GABRG3: variants seen among roughly 807,000 people sequenced by gnomAD.
GABRG3 encodes gamma-aminobutyric acid type A receptor subunit gamma3.
GABRG3 carries 25 observed loss-of-function variants against 48.8 expected under a neutral mutation model. The ratio of observed to expected loss-of-function variants is 0.51; its 90% CI spans 0.37 to 0.72. The LOEUF is 0.72. GABRG3 is among the 30% of genes least tolerant of loss of function. The probability of loss-of-function intolerance (pLI) is 0.00; values close to 1 mark genes in which losing one functional copy is unlikely to be tolerated. For missense variants in GABRG3, 394 were observed against 577.9 expected, an observed-to-expected ratio of 0.68 and a Z score of 3.26; for synonymous variants, 227 against 217.6, an observed-to-expected ratio of 1.04 and a Z score of -0.38.
chr15:27,048,874 C>G (rs1896408547), intron 3 of GABRG3, among the ~76,000 whole-genome samples: 2 of 152,210 alleles, frequency 1.3e-5, no homozygotes, highest in African/African-American at 2.4e-5. Flanking sequence ...TCCTTCCTTC[C>G]TGCCCCCTGC....
rs146591364 is a variant in GABRG3, at chr15:27,119,557, G to A, written c.270+92736G>A. Among the ~76,000 whole-genome samples, 45 of 152,294 alleles carry A rather than the reference G, an allele frequency of 3.0e-4. No individual in the cohort carries two copies. In the East Asian group the frequency reaches 6.6e-3, roughly 22 times the overall value. The stretch of plus-strand genomic sequence containing the variant: ...ACTGCCTCATGATTTCTGCAGGTCA[G>A]GAGTCTGGGCATGTCTTCAGTGAGT... On this transcript the variant is annotated intron_variant, in intron 3 of 9. Transcript: ENST00000615808.
intron 5 of GABRG3, among the ~76,000 whole-genome samples, chr15:27,423,521 C>G (rs1888194696): frequency 6.7e-6 from 1 of 150,338 alleles, no homozygotes; most frequent in South Asian, 2.1e-4. Context: ...CCATTTACTT[C>G]TCCATTTTCT....
intron 3 of GABRG3, among the ~76,000 whole-genome samples, chr15:27,324,736 A>G (rs1893549058): frequency 6.6e-6 from 1 of 152,170 alleles, no homozygotes; most frequent in African/African-American, 2.4e-5. Flanking sequence ...AGCCACATTC[A>G]GAGTTCTTTC....
At chr15:27,393,816 C>A (rs1269920054) in intron 5 of GABRG3, among the ~76,000 whole-genome samples, 1 of 152,180 alleles carries the variant, frequency 6.6e-6, no homozygotes, top group Non-Finnish European at 1.5e-5. Context: ...TAGAAAGGAA[C>A]AGAATGGCAG....
intron 2 of GABRG3, among the ~76,000 whole-genome samples, chr15:27,024,133 T>C (rs1431066412): frequency 6.6e-6 from 1 of 152,164 alleles, no homozygotes; most frequent in Non-Finnish European, 1.5e-5. Flanking sequence ...TCTATTTACG[T>C]TTTTTTGCCA....
At chr15:27,255,690 A>C (rs1392248010) in intron 3 of GABRG3, among the ~76,000 whole-genome samples, 1 of 152,124 alleles carries the variant, frequency 6.6e-6, no homozygotes, top group Non-Finnish European at 1.5e-5. Flanking sequence ...TATCACATGC[A>C]TCCTCCCAGA....
chr15:27,211,016 A>G (rs1889061593), intron 3 of GABRG3, among the ~76,000 whole-genome samples: 1 of 152,248 alleles, frequency 6.6e-6, no homozygotes. Flanking sequence ...TATCAGAATT[A>G]TCAGAGCATG....
At chr15:27,372,265 T>G (rs557686846) in intron 5 of GABRG3, among the ~76,000 whole-genome samples, 2 of 152,232 alleles carry the variant, frequency 1.3e-5, no homozygotes, top group Non-Finnish European at 2.9e-5. Flanking sequence ...ATAATACTTG[T>G]ATGTGTTTTG....
intron 5 of GABRG3, among the ~76,000 whole-genome samples, chr15:27,335,825 T>C (rs1566791739): frequency 6.6e-6 from 1 of 152,210 alleles, no homozygotes; most frequent in Non-Finnish European, 1.5e-5. Context: ...TTTTATATTA[T>C]GGATTTTTAA....
chr15:27,308,340 A>G (rs531319714), intron 3 of GABRG3, among the ~76,000 whole-genome samples: 2 of 127,192 alleles, frequency 1.6e-5, no homozygotes, highest in African/African-American at 6.1e-5. Flanking sequence ...ATATAAACAT[A>G]ATATAAACAT....
At chr15:27,393,871 G>A (rs981028360) in intron 5 of GABRG3, among the ~76,000 whole-genome samples, 3 of 152,154 alleles carry the variant, frequency 2.0e-5, no homozygotes, top group Non-Finnish European at 2.9e-5. Flanking sequence ...ATGGGCTTAC[G>A]ATCTATGCCA....
Position 26,976,979 on chromosome 15 carries a change from G to A in GABRG3, c.54-23G>A, listed in dbSNP as rs374377480. The A allele has an allele frequency of 7.0e-5, 113 of 1,613,398 alleles. No homozygotes were observed. Among genetic ancestry groups the A allele is most frequent in the Middle Eastern group, 3.3e-4 (2 of 6,062 alleles). On this transcript the variant is annotated intron_variant, in intron 1 of 9. Coordinates refer to ENST00000615808, the MANE Select transcript of GABRG3 (RefSeq NM_033223.5). This position sits in a 1 kb window ranked among gnomAD's most constrained non-coding sequence, Gnocchi z 7.8. The stretch of plus-strand genomic sequence containing the variant: ...GAGCCATTGCTGCCACTTATATGTC[G>A]CATTTTTGTGCTGTAACTCCAGGTC...
chr15:27,127,306 A>T (rs1897838088), intron 3 of GABRG3, among the ~76,000 whole-genome samples: 1 of 152,214 alleles, frequency 6.6e-6, no homozygotes, highest in African/African-American at 2.4e-5. Flanking sequence ...TATAATATGC[A>T]TGAACCTTGA....
chr15:27,064,260 C>T (rs1030765728), intron 3 of GABRG3, among the ~76,000 whole-genome samples: 2 of 152,110 alleles, frequency 1.3e-5, no homozygotes, highest in East Asian at 1.9e-4. Flanking sequence ...AGCAGATGGC[C>T]ACACGTCACT....
intron 5 of GABRG3, among the ~76,000 whole-genome samples, chr15:27,362,124 A>AG (rs1895043707): frequency 6.6e-6 from 1 of 152,210 alleles, no homozygotes; most frequent in African/African-American, 2.4e-5. Context: ...ATTTCTTGCT[A>AG]GACTGGATGT....
chr15:27,149,045 AGAAG>A (rs968248897), intron 3 of GABRG3, among the ~76,000 whole-genome samples: 1 of 152,066 alleles, frequency 6.6e-6, no homozygotes, highest in Non-Finnish European at 1.5e-5. Flanking sequence ...ATTTTTGGAA[AGAAG>A]GAAGTAAAAC....
intron 3 of GABRG3, among the ~76,000 whole-genome samples, chr15:27,226,308 CATGGACAATGT>C: frequency 6.6e-6 from 1 of 152,150 alleles, no homozygotes; most frequent in South Asian, 2.1e-4. Context: ...GTGCTGCTGA[CATGGACAATGT>C]GCTCTCAGGG....
At chr15:27,478,044 G>A in intron 5 of GABRG3, among the ~76,000 whole-genome samples, 1 of 141,432 alleles carries the variant, frequency 7.1e-6, no homozygotes, top group African/African-American at 2.8e-5. Flanking sequence ...GAGACTCCAT[G>A]TCACAAAAAA....
intron 3 of GABRG3, among the ~76,000 whole-genome samples, chr15:27,220,290 G>T (rs1350496340): frequency 6.6e-6 from 1 of 152,124 alleles, no homozygotes; most frequent in African/African-American, 2.4e-5. Context: ...ATTTATAGTT[G>T]GTTAAGGAAC....
Sources: allele counts gnomAD v4.1 joint callset (sites outside exome capture counted in the v4.1 genomes callset), GRCh38; gene constraint gnomAD v4.1.1; non-coding constraint Gnocchi (gnomAD v3.1); transcripts MANE v1.5; gene names NCBI Gene and HGNC (gene_info 2026-07-23, HGNC 2026-07-21).